Variants in ASH1L observed in about 807,000 individuals in gnomAD.
ASH1L encodes the protein ASH1 like histone lysine methyltransferase.
Under a neutral mutation model 269.0 loss-of-function variants are expected in ASH1L, and 23 were observed. That is an observed-to-expected ratio of 0.09 (90% CI 0.06 to 0.12). The LOEUF (loss-of-function observed/expected upper bound fraction) is 0.12. ASH1L is among the 10% of genes least tolerant of loss of function. The pLI is 1.00. For synonymous variants in ASH1L, 1,187 were observed against 1,253.5 expected (o/e 0.95, Z 1.12); for missense variants, 2,912 against 3,567.8 (o/e 0.82, Z 4.68).
chr1:155,485,667 C>T (rs1218716159), intron 2 of ASH1L, among the ~76,000 whole-genome samples: 2 of 152,158 alleles, frequency 1.3e-5, no homozygotes, highest in South Asian at 4.1e-4. Context: ...AAGTAAAAGG[C>T]TATACTTTTA....
At chr1:155,421,627 C>T (rs185193382) in intron 5 of ASH1L, among the ~76,000 whole-genome samples, 19 of 150,822 alleles carry the variant, frequency 1.3e-4, no homozygotes, top group African/African-American at 2.9e-4. Flanking sequence ...GCCGAGATCA[C>T]GCCACTGCAC....
chr1:155,539,012 A>T (rs1303356136), intron 1 of ASH1L, among the ~76,000 whole-genome samples: 3 of 151,800 alleles, frequency 2.0e-5, no homozygotes. Context: ...CATTCCTGCC[A>T]CCTCTCTGGA....
chr1:155,347,804 A>G lies in ASH1L; in HGVS notation c.7655T>C (p.Ile2552Thr), dbSNP rs1653492525. The change falls in exon 20 of 28, where the codon ATT becomes ACT. Residue 2552 changes from isoleucine to threonine, a missense_variant. Physicochemically the swap from Ile to Thr is moderately conservative, Grantham distance 89. Around this residue, in one of 13 missense-constraint regions of ASH1L, gnomAD observed 309 missense variants for 435.1 expected, o/e 0.71. Coordinates refer to ENST00000392403, the MANE Select transcript of ASH1L (RefSeq NM_018489.3). The part of the protein sequence containing the change: ...RHEASAQIDE[I>T]VGETASEADS... ...TGCCTCACTTGCTGTCTCTCCCACA[A>G]TCTCATCAATCTGGGCTGATGCCTC... is the stretch of plus-strand genomic sequence containing the variant. The G allele has an allele frequency of 4.3e-6, 7 of 1,614,174 alleles. No individual in the cohort carries two copies. Among genetic ancestry groups the G allele is most frequent in the South Asian group, 1.1e-5 (1 of 91,084 alleles).
At chr1:155,378,464 AC>A in intron 9 of ASH1L, 38 bp downstream of exon 9, 1 of 1,610,814 alleles carries the variant, frequency 6.2e-7, no homozygotes, top group South Asian at 1.1e-5. Context: ...AAGAACATTA[AC>A]GTATAGAGGC....
chr1:155,397,511 A>G (rs906080604), intron 6 of ASH1L, among the ~76,000 whole-genome samples: 11 of 148,904 alleles, frequency 7.4e-5, no homozygotes, highest in African/African-American at 1.8e-4. Context: ...AAAAAAAAAA[A>G]AAAGAAAGAA....
intron 6 of ASH1L, among the ~76,000 whole-genome samples, chr1:155,403,182 T>A (rs1420919053): frequency 2.0e-5 from 3 of 150,040 alleles, no homozygotes; most frequent in African/African-American, 7.4e-5. Context: ...CGAAACTCCA[T>A]CTCAAAAAAA....
rs111347276 is a variant in ASH1L, at chr1:155,420,092, C to T, written c.5829-4169G>A. 3.8e-3 allele frequency among the ~76,000 whole-genome samples: 581 copies of T among 151,940 alleles called. 2 individuals are homozygous for T. Among genetic ancestry groups the T allele is most frequent in the Middle Eastern group, 0.014 (4 of 294 alleles). Reference sequence around the variant, plus strand: ...CAACACTGTGGGAGGATGAGGCGGGCGGACCACCTAAGGTCAGGAGTTTGA... The same window carrying T: ...CAACACTGTGGGAGGATGAGGCGGGTGGACCACCTAAGGTCAGGAGTTTGA... On this transcript the variant is annotated intron_variant, in intron 5 of 27. Coordinates refer to ENST00000392403, the MANE Select transcript of ASH1L (RefSeq NM_018489.3).
chr1:155,377,575 A>G (rs1483302784), intron 10 of ASH1L, among the ~76,000 whole-genome samples: 1 of 151,446 alleles, frequency 6.6e-6, no homozygotes, highest in Non-Finnish European at 1.5e-5. Context: ...AAAAAAAACA[A>G]AACAAAACAA....
chr1:155,476,064 C>A (rs1415053054), intron 3 of ASH1L, among the ~76,000 whole-genome samples: 1 of 152,142 alleles, frequency 6.6e-6, no homozygotes, highest in Non-Finnish European at 1.5e-5. Context: ...TTGAATGGAC[C>A]TAAGCATAAG....
intron 2 of ASH1L, among the ~76,000 whole-genome samples, chr1:155,493,048 C>T (rs570493081): frequency 6.6e-6 from 1 of 152,236 alleles, no homozygotes; most frequent in South Asian, 2.1e-4. Context: ...AACTCCTGAG[C>T]TCAAGTGATC....
At chr1:155,359,287 CT>C (rs1213106313) in intron 13 of ASH1L, among the ~76,000 whole-genome samples, 1 of 152,044 alleles carries the variant, frequency 6.6e-6, no homozygotes, top group Non-Finnish European at 1.5e-5. Flanking sequence ...TCTTTTCTCC[CT>C]TTTTTCTTTT....
chr1:155,381,309 C>T (rs1329354030), intron 7 of ASH1L, among the ~76,000 whole-genome samples: 3 of 151,232 alleles, frequency 2.0e-5, no homozygotes, highest in Non-Finnish European at 2.9e-5. Context: ...AATCCCAGCA[C>T]TTTGGGAGGC....
intron 5 of ASH1L, chr1:155,419,531 A>G (rs1345644309): frequency 6.6e-6 from 1 of 152,212 alleles, no homozygotes; most frequent in African/African-American, 2.4e-5. Context: ...AAAATAATAC[A>G]GGTGATTCTT....
At chr1:155,350,038 C>T (rs1264110881) in intron 17 of ASH1L, among the ~76,000 whole-genome samples, 3 of 151,760 alleles carry the variant, frequency 2.0e-5, no homozygotes, top group South Asian at 2.1e-4. Context: ...TACAGGTACC[C>T]GCCACCATGC....
intron 6 of ASH1L, among the ~76,000 whole-genome samples, chr1:155,404,575 C>T (rs1420677626): frequency 6.6e-6 from 1 of 152,020 alleles, no homozygotes; most frequent in African/African-American, 2.4e-5. Context: ...AAAGTCAAGA[C>T]ACACATGACG....
At chr1:155,355,016 C>CAA (rs1654249290) in intron 15 of ASH1L, among the ~76,000 whole-genome samples, 1 of 152,172 alleles carries the variant, frequency 6.6e-6, no homozygotes. Context: ...ACGCACTGGG[C>CAA]AAACTATGTT....
intron 2 of ASH1L, among the ~76,000 whole-genome samples, chr1:155,491,552 T>C (rs959293230): frequency 6.6e-6 from 1 of 152,246 alleles, no homozygotes; most frequent in African/African-American, 2.4e-5. Context: ...CAAGGTCACT[T>C]AACCAGTAAA....
chr1:155,415,704 G>T, intron 6 of ASH1L, 40 bp downstream of exon 6: 1 of 1,572,986 alleles, frequency 6.4e-7, no homozygotes. Context: ...TCCAAATGTG[G>T]AAGAAAAAGG....
Position 155,438,997 on chromosome 1 carries a change from G to T in ASH1L, c.5158C>A (p.Arg1720=), listed in dbSNP as rs761585004. ...GDDSVDSLLQ[R]MVQNEDQEPM... ...TCTTGGTCCTCATTTTGTACCATCC[G>T]CTGCAGCAGACTATCCACAGAGTCA... is the stretch of plus-strand genomic sequence containing the variant. Residue 1720 remains arginine, a synonymous_variant, in exon 5 of 28, where the codon CGG becomes AGG. Coordinates refer to ENST00000392403, the MANE Select transcript of ASH1L (RefSeq NM_018489.3). 10 of 1,613,994 alleles carry T rather than the reference G, an allele frequency of 6.2e-6. No homozygotes were observed. In the African/African-American group the frequency reaches 1.3e-4, roughly 22 times the overall value.
Sources: allele counts gnomAD v4.1 joint callset (sites outside exome capture counted in the v4.1 genomes callset), GRCh38; gene constraint gnomAD v4.1.1; regional missense constraint gnomAD v4.1.1; transcripts MANE v1.5; gene names NCBI Gene and HGNC (gene_info 2026-07-23, HGNC 2026-07-21).